The following CRLS1 variants were observed in gnomAD, a reference collection of about 807,000 sequenced individuals.
CRLS1 encodes cardiolipin synthase (CMP-forming).
In CRLS1, 24 loss-of-function variants were observed where a neutral mutation model predicts 37.0. The ratio of observed to expected loss-of-function variants is 0.65; its 90% CI spans 0.47 to 0.91. The LOEUF is 0.91. CRLS1 is among the 40% of genes least tolerant of loss of function. CRLS1 has a pLI of 0.00. For synonymous variants in CRLS1, 135 were observed against 159.7 expected (o/e 0.85, Z 1.17); for missense variants, 373 against 395.8 (o/e 0.94, Z 0.49).
chr20:6,029,851 T>C (rs748774093), intron 3 of CRLS1, among the ~76,000 whole-genome samples: 3 of 151,600 alleles, frequency 2.0e-5, no homozygotes, highest in Admixed American at 6.6e-5. Flanking sequence ...TGGAATAGTA[T>C]TATCCATCAA....
At chr20:6,019,646 T>C (rs973705168) in intron 3 of CRLS1, among the ~76,000 whole-genome samples, 7 of 151,640 alleles carry the variant, frequency 4.6e-5, no homozygotes, top group Non-Finnish European at 1.0e-4. Flanking sequence ...TGTAGTTTTA[T>C]TTTTTTTCTT....
upstream of CRLS1, chr20:6,005,971 C>A: frequency 3.4e-6 from 1 of 297,998 alleles, no homozygotes. Flanking sequence ...CGCTGCTTCC[C>A]AAAACCCACT....
chr20:6,036,953 C>G, intron 6 of CRLS1, 121 bp from the exon 7 acceptor site: 1 of 652,606 alleles, frequency 1.5e-6, no homozygotes, highest in Middle Eastern at 4.3e-4. Flanking sequence ...ACCACAGAGC[C>G]CTTTTTACTT....
rs2123030407 is a variant in CRLS1, at chr20:6,034,467, A to T, written c.733A>T (p.Asn245Tyr). The T allele has an allele frequency of 6.2e-7, 1 of 1,610,920 alleles. No homozygotes were observed. Among genetic ancestry groups the T allele is most frequent in the East Asian group, 2.2e-5 (1 of 44,856 alleles). ...AACTTTTTCTTTTTTTATTTAGGTG[A>T]ATACAGCAGTCCAGTTAATCTTGGT... is the stretch of plus-strand genomic sequence containing the variant. ...RLKPTFISKV[N>Y]TAVQLILVAA... The change falls in exon 6 of 7, where the codon AAT becomes TAT. Residue 245 changes from asparagine (N) to tyrosine (Y), a missense_variant. Coordinates refer to ENST00000378863, the MANE Select transcript of CRLS1 (RefSeq NM_019095.6).
rs555191557 is a variant in CRLS1 at position 6,009,816 on chromosome 20, G to A, written c.348G>A (p.Thr116=). Reference sequence around the variant, plus strand: ...CAATCCCGAATATGTTGTCAATGACGAGAATTGGCTTGGCCCCAGTTCTGG... The same window carrying A: ...CAATCCCGAATATGTTGTCAATGACAAGAATTGGCTTGGCCCCAGTTCTGG... ...PWTIPNMLSM[T]RIGLAPVLGY... is the part of the protein sequence containing the mutation. The change falls in exon 2 of 7, where the codon ACG becomes ACA. Residue 116 remains threonine, a synonymous_variant. Coordinates refer to ENST00000378863, the MANE Select transcript of CRLS1 (RefSeq NM_019095.6). 14 of 1,613,914 alleles carry A rather than the reference G, an allele frequency of 8.7e-6. No homozygotes were observed. The highest frequency in any genetic ancestry group is 1.7e-4 in the Middle Eastern group (1 of 6,060).
intron 1 of CRLS1, chr20:6,006,835 G>A: frequency 1.0e-6 from 1 of 984,586 alleles, no homozygotes; most frequent in Non-Finnish European, 1.2e-6. Context: ...ATTGATAAAG[G>A]TAGCCTTCGC....
At chr20:6,006,015 G>C (rs1341352161), upstream of CRLS1, 3 of 343,246 alleles carry the variant, frequency 8.7e-6, no homozygotes, top group Non-Finnish European at 1.6e-5. Context: ...TGTGCCAGGG[G>C]CGCCGGGAAG....
intron 3 of CRLS1, among the ~76,000 whole-genome samples, chr20:6,020,727 A>G (rs898933955): frequency 8.7e-5 from 13 of 150,174 alleles, no homozygotes; most frequent in African/African-American, 2.9e-4. Context: ...GGTTCACGCC[A>G]TTCTCCTACC....
chr20:6,015,519 T>C, intron 3 of CRLS1, 29 bp downstream of exon 3: 1 of 1,606,722 alleles, frequency 6.2e-7, no homozygotes, highest in Non-Finnish European at 8.5e-7. Context: ...TACTTTTGAA[T>C]AGCACAGGGA....
chr20:6,029,195 G>A (rs1049807068), intron 3 of CRLS1, among the ~76,000 whole-genome samples: 1 of 151,708 alleles, frequency 6.6e-6, no homozygotes, highest in Non-Finnish European at 1.5e-5. Flanking sequence ...GGTAAACTGA[G>A]TCCAGAGATG....
intron 3 of CRLS1, among the ~76,000 whole-genome samples, chr20:6,022,296 T>A (rs1979335142): frequency 6.6e-6 from 1 of 152,000 alleles, no homozygotes; most frequent in African/African-American, 2.4e-5. Flanking sequence ...GTCATCTTCT[T>A]CCATTGTTGA....
Position 6,009,917 on chromosome 20 carries a change from G to GATCAGCT in CRLS1, c.444+5_444+6insATCAGCT, listed in dbSNP as rs2090110534. 6.2e-7 allele frequency: 1 copy of GATCAGCT among 1,612,802 alleles called. No homozygotes were observed. Among genetic ancestry groups the GATCAGCT allele is most frequent in the Non-Finnish European group, 8.5e-7 (1 of 1,179,354 alleles). On this transcript the variant is annotated splice_donor_region_variant and intron_variant, in intron 2 of 6. Transcript: ENST00000378863. ...TTAGCTGGACTAACAGATTTGGTAA[G>GATCAGCT]TTGTAAATGCACTCCCAGTTTGCTC...
At chr20:6,006,690 T>C (rs992655102) in intron 1 of CRLS1, 138 bp downstream of exon 1, 21 of 1,209,886 alleles carry the variant, frequency 1.7e-5, no homozygotes, top group Non-Finnish European at 2.2e-5. Flanking sequence ...AAGAAGTTAC[T>C]GGCAGGTCAT....
Position 6,006,418 on chromosome 20 carries a change from T to A in CRLS1, c.172T>A (p.Leu58Met). ...GAGGCTGCGTCCGGCCGCTCTTGGC[T>A]TGCGGCTGCCCGGGATCGGCCAGCG... ...RWRLRPAALGLRLPGIGQRNH... is the reference protein window; with the variant it reads ...RWRLRPAALGMRLPGIGQRNH... Residue 58 changes from leucine to methionine, a missense_variant, in exon 1 of 7, where the codon TTG becomes ATG. By Grantham distance (15) the Leu-to-Met change is conservative. Transcript: ENST00000378863. 1 of 1,410,746 alleles carries A rather than the reference T, an allele frequency of 7.1e-7. No individual in the cohort carries two copies. Among genetic ancestry groups the A allele is most frequent in the Non-Finnish European group, 9.2e-7 (1 of 1,081,982 alleles). 87.4% of individuals were successfully genotyped at this position (1,410,746 alleles called of 1,614,324 possible).
rs1980708043 is a variant in CRLS1 at position 6,038,175 on chromosome 20, T to A, written c.*1017T>A. The stretch of plus-strand genomic sequence containing the variant: ...TGTAAAAATAATTAGTCTGACCATC[T>A]GACTTTAAAAGACTGTTGCTACACG... On this transcript the variant is annotated 3_prime_UTR_variant, in exon 7 of 7. Coordinates refer to ENST00000378863, the MANE Select transcript of CRLS1 (RefSeq NM_019095.6). The A allele has an allele frequency of 6.6e-6, 1 of 152,254 alleles. No homozygotes were observed. The highest frequency in any genetic ancestry group is 2.4e-5 in the African/African-American group (1 of 41,468). The allele number at this position is 152,254 out of a possible 1,614,324, so 9.4% of individuals were successfully genotyped here. A position where few individuals can be genotyped will look rare whatever the true frequency, so the allele number is the denominator to read the frequency against.
intron 1 of CRLS1, among the ~76,000 whole-genome samples, chr20:6,009,365 TAAGA>T (rs2090102172): frequency 6.6e-6 from 1 of 152,024 alleles, no homozygotes; most frequent in Non-Finnish European, 1.5e-5. Context: ...CTATAATATG[TAAGA>T]CACCTTACCC....
intron 3 of CRLS1, chr20:6,015,981 TGATAA>T (rs1978712828): frequency 6.5e-6 from 1 of 153,778 alleles, no homozygotes; most frequent in Non-Finnish European, 1.4e-5. Flanking sequence ...ATACTTTTTC[TGATAA>T]GATTTCATGA....
In CRLS1 at chr20:6,035,790, A is replaced by AT. The variant is rs547859130; in HGVS notation, c.821+1244dup. Among the ~76,000 whole-genome samples the AT allele has an allele frequency of 4.7e-3, 697 of 149,488 alleles. 8 individuals are homozygous for AT. Among genetic ancestry groups the AT allele is most frequent in the African/African-American group, 0.017 (670 of 40,604 alleles). On this transcript the variant is annotated intron_variant, in intron 6 of 6. Transcript: ENST00000378863. ...GCATGTGCCACCACCACACCTGGCT[A>AT]TTTTTTTTTAATTAATTAATTTATT...
chr20:6,012,371 G>A (rs890787979), intron 2 of CRLS1, among the ~76,000 whole-genome samples: 6 of 152,202 alleles, frequency 3.9e-5, no homozygotes, highest in East Asian at 1.9e-4. Flanking sequence ...GGGGCTGGCC[G>A]TGTTCCATGG....
Sources: gnomAD v4.1 joint callset for allele counts (sites outside exome capture counted in the v4.1 genomes callset) on GRCh38, gnomAD v4.1.1 for gene constraint, MANE v1.5 for transcripts, NCBI Gene and HGNC (gene_info 2026-07-23, HGNC 2026-07-21) for gene names.